DOCK7: variants seen among roughly 807,000 people sequenced by gnomAD.
DOCK7 encodes dedicator of cytokinesis 7, also known as dedicator of cytokinesis protein 7.
Under a neutral mutation model 271.0 loss-of-function variants are expected in DOCK7, and 138 were observed. That is an observed-to-expected ratio of 0.51 (90% CI 0.44 to 0.59). The LOEUF (loss-of-function observed/expected upper bound fraction) is 0.59. DOCK7 is among the 20% of genes least tolerant of loss of function. The pLI, the probability that DOCK7 is intolerant of heterozygous loss-of-function variation, is 0.00. For synonymous variants in DOCK7, 823 were observed against 876.1 expected (o/e 0.94, Z 1.07); for missense variants, 2,066 against 2,592.4 (o/e 0.80, Z 4.41).
intron 1 of DOCK7, among the ~76,000 whole-genome samples, chr1:62,675,118 G>A (rs576341063): frequency 6.6e-6 from 1 of 152,232 alleles, no homozygotes; most frequent in East Asian, 1.9e-4. Context: ...TAATCCCACT[G>A]AAAAATGAAT....
At chr1:62,601,048 C>A (rs1169859303) in intron 14 of DOCK7, 1 of 1,259,326 alleles carries the variant, frequency 7.9e-7, no homozygotes, top group East Asian at 2.3e-5. Context: ...TATTCAGTAT[C>A]ATTTTAAAAA....
At chr1:62,565,711 G>C (rs1266595535) in intron 18 of DOCK7, among the ~76,000 whole-genome samples, 1 of 152,108 alleles carries the variant, frequency 6.6e-6, no homozygotes, top group African/African-American at 2.4e-5. Context: ...TTCTGGCTAG[G>C]GCAATCAGGC....
At chr1:62,609,462 G>T (rs1051581913) in intron 14 of DOCK7, 2 of 151,954 alleles carry the variant, frequency 1.3e-5, no homozygotes, top group African/African-American at 4.8e-5. Context: ...CCAATAGATG[G>T]GAATAATAAT....
intron 4 of DOCK7, among the ~76,000 whole-genome samples, chr1:62,650,995 C>T (rs537455719): frequency 5.9e-5 from 9 of 152,022 alleles, no homozygotes; most frequent in African/African-American, 1.4e-4. Flanking sequence ...CACATGCACA[C>T]GTATGTTTAC....
chr1:62,530,723 A>C (rs1232065749), intron 29 of DOCK7: 1 of 154,908 alleles, frequency 6.5e-6, no homozygotes, highest in Non-Finnish European at 1.5e-5. Context: ...AGGTGGCACC[A>C]ATGGGCCTTG....
chr1:62,606,017 A>T (rs1048193036), intron 14 of DOCK7: 1 of 152,078 alleles, frequency 6.6e-6, no homozygotes, highest in Non-Finnish European at 1.5e-5. Context: ...ACTTAGCATT[A>T]TGTATTTCAA....
chr1:62,656,027 T>C (rs1657980593), intron 2 of DOCK7, among the ~76,000 whole-genome samples: 2 of 152,220 alleles, frequency 1.3e-5, no homozygotes, highest in South Asian at 4.1e-4. Flanking sequence ...CTACCTTACC[T>C]ATCTTATTAA....
intron 1 of DOCK7, among the ~76,000 whole-genome samples, chr1:62,681,895 AAG>A (rs1340759874): frequency 1.3e-5 from 2 of 152,238 alleles, no homozygotes; most frequent in Non-Finnish European, 2.9e-5. Flanking sequence ...TGACTTCAAA[AAG>A]AGAAGAAAAC....
chr1:62,638,365 G>T (rs1429211251), intron 7 of DOCK7: 5 of 151,854 alleles, frequency 3.3e-5, no homozygotes, highest in African/African-American at 1.2e-4. Context: ...TCATGTCAAA[G>T]AAATATTTTT....
chr1:62,621,825 C>T (rs1484675552), intron 12 of DOCK7, among the ~76,000 whole-genome samples: 1 of 151,992 alleles, frequency 6.6e-6, no homozygotes, highest in African/African-American at 2.4e-5. Flanking sequence ...TTTTTGAGAC[C>T]AAGTTGCCAA....
intron 11 of DOCK7, 23 bp downstream of exon 11, chr1:62,631,217 T>C (rs1446099010): frequency 3.2e-6 from 5 of 1,544,700 alleles, no homozygotes; most frequent in Non-Finnish European, 3.5e-6. Context: ...CATTTAGAAA[T>C]GTTTTGTATG....
intron 31 of DOCK7, among the ~76,000 whole-genome samples, chr1:62,517,796 T>C (rs1644710417): frequency 6.6e-6 from 1 of 152,146 alleles, no homozygotes; most frequent in African/African-American, 2.4e-5. Flanking sequence ...GAAAACAATC[T>C]AACCAAGTAA....
chr1:62,578,708 A>G (rs1283349208), intron 17 of DOCK7, 120 bp downstream of exon 17: 52 of 912,326 alleles, frequency 5.7e-5, no homozygotes, highest in Non-Finnish European at 7.2e-5. Context: ...GGAGACAGAG[A>G]CTCTGTCTCA....
At chr1:62,465,757 G>A (rs1645658241) in intron 48 of DOCK7, among the ~76,000 whole-genome samples, 1 of 152,060 alleles carries the variant, frequency 6.6e-6, no homozygotes, top group African/African-American at 2.4e-5. Context: ...TCAGCATCTT[G>A]GCCAGGCTGG....
chr1:62,632,838 G>A (rs750031083), intron 10 of DOCK7, among the ~76,000 whole-genome samples: 3 of 152,052 alleles, frequency 2.0e-5, no homozygotes, highest in Non-Finnish European at 4.4e-5. Context: ...TTAGCTGGGT[G>A]TGGTGGCACA....
intron 31 of DOCK7, among the ~76,000 whole-genome samples, chr1:62,523,404 T>C (rs1644908898): frequency 6.6e-6 from 1 of 152,078 alleles, no homozygotes. Context: ...TTACACTGTA[T>C]ATAAAAAAAT....
At chr1:62,545,817 T>C (rs1318724592) in intron 22 of DOCK7, among the ~76,000 whole-genome samples, 1 of 152,152 alleles carries the variant, frequency 6.6e-6, no homozygotes, top group African/African-American at 2.4e-5. Flanking sequence ...TTACTGTGAT[T>C]CCAGGTGAAG....
chr1:62,498,800 T>A (rs950972300), intron 37 of DOCK7, among the ~76,000 whole-genome samples: 1 of 151,808 alleles, frequency 6.6e-6, no homozygotes, highest in African/African-American at 2.4e-5. Context: ...AAATTACCCA[T>A]TTCTTTCTTT....
intron 8 of DOCK7, chr1:62,635,316 G>C (rs186228162): frequency 6.5e-6 from 1 of 152,898 alleles, no homozygotes; most frequent in Admixed American, 6.6e-5. Context: ...AGAGGTGAGG[G>C]GATCAAGGTC....
Sources: allele counts gnomAD v4.1 joint callset (sites outside exome capture counted in the v4.1 genomes callset), GRCh38; gene constraint gnomAD v4.1.1; transcripts MANE v1.5; gene names NCBI Gene and HGNC (gene_info 2026-07-23, HGNC 2026-07-21).